The following FCRL4 variants were observed in gnomAD, a reference collection of about 807,000 sequenced individuals.
FCRL4 encodes the protein Fc receptor-like protein 4.
A neutral mutation model predicts 64.1 loss-of-function variants in FCRL4; 43 were observed. The observed-to-expected ratio is 0.67, with a 90% CI of 0.53 to 0.87. FCRL4 has a LOEUF of 0.87. Among genes scored for constraint, FCRL4 ranks in the 40% least tolerant of loss-of-function variants. The pLI is 0.00. For synonymous variants in FCRL4, 253 were observed against 239.8 expected, an observed-to-expected ratio of 1.05 and a Z score of -0.51; for missense variants, 656 against 613.5, an observed-to-expected ratio of 1.07 and a Z score of -0.73.
rs57507652 is a variant in FCRL4, at chr1:157,581,571, A to G, written c.1209T>C (p.Ala403=). The G allele has an allele frequency of 1.2e-3, 1,889 of 1,614,122 alleles. 26 individuals carry two copies. In the African/African-American group the frequency reaches 0.023, roughly 19 times the overall value. ...TGGLLSALLL[A]VALLFHCWRR... ...GCCAGCAGTGAAACAGCAGGGCCACAGCCAGGAGAAGAGCACTGAGCAGCC... is the reference window on the plus strand; with the variant it reads ...GCCAGCAGTGAAACAGCAGGGCCACGGCCAGGAGAAGAGCACTGAGCAGCC... The change falls in exon 7 of 12, where the codon GCT becomes GCC. Residue 403 remains alanine (A), a synonymous_variant. Coordinates refer to ENST00000271532, the MANE Select transcript of FCRL4 (RefSeq NM_031282.3).
intron 7 of FCRL4, 72 bp from the exon 8 acceptor site, chr1:157,580,420 G>A: frequency 1.3e-6 from 2 of 1,509,602 alleles, no homozygotes; most frequent in Non-Finnish European, 1.8e-6. Flanking sequence ...TGTAACAGGA[G>A]CTATCTAAGA....
At chr1:157,591,332 T>C (rs2101686200) in intron 2 of FCRL4, among the ~76,000 whole-genome samples, 1 of 152,274 alleles carries the variant, frequency 6.6e-6, no homozygotes, top group African/African-American at 2.4e-5. Flanking sequence ...AAAATACTAG[T>C]TATACCAGGT....
intron 2 of FCRL4, among the ~76,000 whole-genome samples, chr1:157,594,255 G>A (rs1652907663): frequency 6.6e-6 from 1 of 152,206 alleles, no homozygotes; most frequent in African/African-American, 2.4e-5. Flanking sequence ...CTGAATAAAG[G>A]GATGTCAGAG....
In FCRL4 at chr1:157,597,976, C is replaced by A. The variant is rs745967403; in HGVS notation, c.-32G>T. The A allele has an allele frequency of 6.2e-7, 1 of 1,601,404 alleles. No individual in the cohort carries two copies. The highest frequency in any genetic ancestry group is 1.1e-5 in the South Asian group (1 of 90,134). ...CTGCTCCAGGATTGGAGAAGGAGTT[C>A]TGAGGAGACAAGCCAGGTCAGCCCA... On this transcript the variant is annotated 5_prime_UTR_variant, in exon 1 of 12. Transcript: ENST00000271532.
At position 157,587,561 on chromosome 1, in the gene FCRL4, C is replaced by A. The variant is rs1370974678; in HGVS notation, c.563-1G>T. 6.2e-7 allele frequency: 1 copy of A among 1,612,708 alleles called. No homozygotes were observed. The highest frequency in any genetic ancestry group is 8.5e-7 in the Non-Finnish European group (1 of 1,179,718). ...TTCAGCTCTGGATGTGGAAATAGTT[C>A]TAGAGAGAAGAGGTAAGTCAAGTTC... On this transcript the variant is annotated splice_acceptor_variant, in intron 4 of 11. Coordinates refer to ENST00000271532, the MANE Select transcript of FCRL4 (RefSeq NM_031282.3). LOFTEE classifies it high-confidence loss of function.
At chr1:157,580,699 A>T (rs958821388) in intron 7 of FCRL4, among the ~76,000 whole-genome samples, 2 of 152,232 alleles carry the variant, frequency 1.3e-5, no homozygotes, top group Non-Finnish European at 2.9e-5. Context: ...CCAGAGGAGC[A>T]CTGGGCTCTG....
In FCRL4 at chr1:157,581,614, G is replaced by A. The variant is rs770243398; in HGVS notation, c.1166C>T (p.Ala389Val). 5 of 1,614,086 alleles carry A rather than the reference G, an allele frequency of 3.1e-6. No individual in the cohort carries two copies. In the Admixed American group the frequency reaches 8.3e-5, roughly 27 times the overall value. Reference sequence around the variant, plus strand: ...GAGCAGCCCTCCAGTGGCTCCCGCGGCGACAAGGCCATCTCTGTTGCCTGG... The same window carrying A: ...GAGCAGCCCTCCAGTGGCTCCCGCGACGACAAGGCCATCTCTGTTGCCTGG... ...ETPGNRDGLV[A>V]AGATGGLLSA... The change falls in exon 7 of 12, where the codon GCC (alanine) becomes GTC (valine). Residue 389 changes from alanine (A) to valine (V), a missense_variant. Transcript: ENST00000271532.
At chr1:157,585,453 C>T (rs919181658) in intron 6 of FCRL4, among the ~76,000 whole-genome samples, 3 of 147,494 alleles carry the variant, frequency 2.0e-5, no homozygotes, top group African/African-American at 7.6e-5. Flanking sequence ...TACAACTAAA[C>T]CTGAGATTGA....
Position 157,581,571 on chromosome 1 carries a change from A to C in FCRL4, c.1209T>G (p.Ala403=). 6.2e-7 allele frequency: 1 copy of C among 1,614,126 alleles called. No homozygotes were observed. Among genetic ancestry groups the C allele is most frequent in the Non-Finnish European group, 8.5e-7 (1 of 1,180,004 alleles). The change falls in exon 7 of 12, where the codon GCT becomes GCG. Residue 403 remains alanine, a synonymous_variant. Transcript: ENST00000271532. ...GCCAGCAGTGAAACAGCAGGGCCAC[A>C]GCCAGGAGAAGAGCACTGAGCAGCC... The part of the protein sequence containing the change: ...TGGLLSALLL[A]VALLFHCWRR...
chr1:157,589,810 T>C (rs1652797831), intron 2 of FCRL4, among the ~76,000 whole-genome samples: 1 of 140,036 alleles, frequency 7.1e-6, no homozygotes, highest in Non-Finnish European at 1.5e-5. Context: ...CCTGGGATCT[T>C]GTTGTTACAG....
intron 6 of FCRL4, among the ~76,000 whole-genome samples, chr1:157,584,443 G>T (rs541976268): frequency 9.9e-5 from 15 of 152,082 alleles, no homozygotes; most frequent in Admixed American, 3.9e-4. Context: ...GGCTGAGGTG[G>T]GAGGATCGCT....
At chr1:157,576,352 C>T (rs1386439570) in intron 10 of FCRL4, among the ~76,000 whole-genome samples, 2 of 152,184 alleles carry the variant, frequency 1.3e-5, no homozygotes, top group Admixed American at 1.3e-4. Flanking sequence ...CTTGAGGTTT[C>T]TCTCTGTTTC....
chr1:157,591,971 C>A (rs1051073299), intron 2 of FCRL4, among the ~76,000 whole-genome samples: 1 of 152,130 alleles, frequency 6.6e-6, no homozygotes, highest in Non-Finnish European at 1.5e-5. Flanking sequence ...CTTCAGCAAA[C>A]CTGACAAAAA....
chr1:157,581,545 C>T lies in FCRL4; in HGVS notation c.1235G>A (p.Arg412His), dbSNP rs557777677. ...AGAGCACAAACCTGACTTCCTCCGA[C>T]GCCAGCAGTGAAACAGCAGGGCCAC... is the stretch of plus-strand genomic sequence containing the variant. ...LAVALLFHCW[R>H]RRKSGVGFLG... Residue 412 changes from arginine to histidine, a missense_variant, in exon 7 of 12, where the codon CGT becomes CAT. Transcript: ENST00000271532. The T allele has an allele frequency of 4.8e-5, 78 of 1,613,884 alleles. No homozygotes were observed. The highest frequency in any genetic ancestry group is 4.2e-4 in the East Asian group (19 of 44,866).
chr1:157,578,450 C>T (rs1295801923), intron 10 of FCRL4, 24 bp downstream of exon 10: 39 of 1,589,068 alleles, frequency 2.5e-5, no homozygotes, highest in Non-Finnish European at 3.4e-5. Flanking sequence ...AGTTTGCAGC[C>T]AGAATCTCTT....
chr1:157,591,268 C>A (rs1017503098), intron 2 of FCRL4, among the ~76,000 whole-genome samples: 1 of 152,062 alleles, frequency 6.6e-6, no homozygotes, highest in Non-Finnish European at 1.5e-5. Context: ...TTGGTTTGGT[C>A]TTTAGGTGGA....
intron 10 of FCRL4, 135 bp from the exon 11 acceptor site, chr1:157,575,865 G>A (rs979552746): frequency 2.5e-6 from 2 of 805,990 alleles, no homozygotes; most frequent in Non-Finnish European, 4.4e-6. Context: ...CCCCTAACAT[G>A]TCCTGCAATA....
intron 10 of FCRL4, among the ~76,000 whole-genome samples, 195 bp downstream of exon 10, chr1:157,578,279 G>T (rs1455169802): frequency 2.0e-5 from 3 of 152,098 alleles, no homozygotes; most frequent in East Asian, 1.9e-4. Context: ...ATCAGCAAAA[G>T]TATACTGTGT....
rs1324499746 is a variant in FCRL4, at chr1:157,588,080, C to G, written c.347G>C (p.Gly116Ala). The change falls in exon 4 of 12, where the codon GGT becomes GCT. Residue 116 changes from glycine to alanine, a missense_variant. By Grantham distance (60) the Gly-to-Ala change is moderately conservative. Coordinates refer to ENST00000271532, the MANE Select transcript of FCRL4 (RefSeq NM_031282.3). ...ILQAPYSVFEGDTLVLRCHRR... is the reference protein window; with the variant it reads ...ILQAPYSVFEADTLVLRCHRR... ...GTGGCATCTCAGAACCAATGTGTCA[C>G]CTTCAAACACAGAATATGGTGCCTG... The G allele has an allele frequency of 6.2e-7, 1 of 1,613,692 alleles. No individual in the cohort carries two copies. The highest frequency in any genetic ancestry group is 1.3e-5 in the African/African-American group (1 of 74,908).
Sources: gnomAD v4.1 joint callset for allele counts (sites outside exome capture counted in the v4.1 genomes callset) on GRCh38, gnomAD v4.1.1 for gene constraint, MANE v1.5 for transcripts, NCBI Gene and HGNC (gene_info 2026-07-23, HGNC 2026-07-21) for gene names.